The following SMURF2 variants were observed in gnomAD, a reference collection of about 807,000 sequenced individuals.
The protein encoded by SMURF2 is SMAD specific E3 ubiquitin protein ligase 2.
A neutral mutation model predicts 109.6 loss-of-function variants in SMURF2; 48 were observed. That is an observed-to-expected ratio of 0.44 (90% confidence interval 0.35 to 0.56). The LOEUF is 0.56. SMURF2 is among the 20% of genes least tolerant of loss of function. The pLI, the probability that SMURF2 is intolerant of heterozygous loss-of-function variation, is 0.01. For synonymous variants in SMURF2, 288 were observed against 317.1 expected (o/e 0.91, Z 0.97); for missense variants, 575 against 909.0 (o/e 0.63, Z 4.72).
At chr17:64,579,548 A>C (rs1969551458) in intron 8 of SMURF2, among the ~76,000 whole-genome samples, 1 of 152,202 alleles carries the variant, frequency 6.6e-6, no homozygotes, top group Non-Finnish European at 1.5e-5. Flanking sequence ...AATTCAAATC[A>C]CAGAAATATT....
chr17:64,653,097 A>G (rs1441437178), intron 1 of SMURF2, among the ~76,000 whole-genome samples: 1 of 151,648 alleles, frequency 6.6e-6, no homozygotes, highest in African/African-American at 2.4e-5. Context: ...TCTTTGGGAC[A>G]TCTTTTGGGG....
intron 1 of SMURF2, 44 bp downstream of exon 1, chr17:64,661,785 G>A: frequency 8.3e-7 from 1 of 1,205,546 alleles, no homozygotes; most frequent in Non-Finnish European, 1.0e-6. Flanking sequence ...CCGCCAGCTC[G>A]CCCACCCCGC....
At chr17:64,603,791 A>C (rs185800788) in intron 2 of SMURF2, among the ~76,000 whole-genome samples, 98 of 152,302 alleles carry the variant, frequency 6.4e-4, no homozygotes, top group African/African-American at 2.0e-3. Flanking sequence ...ATGAGTTAAA[A>C]AAACTTTTCT....
rs143064415 is a variant in SMURF2 at position 64,571,323 on chromosome 17, A to C, written c.1016+475T>G. ...CTACCTAAAAGCATAGTAGGTTTAA[A>C]ATACTCATATCAGAGTAAACCTTGT... is the stretch of plus-strand genomic sequence containing the variant. On this transcript the variant is annotated intron_variant, in intron 10 of 18. Coordinates refer to ENST00000262435, the MANE Select transcript of SMURF2 (RefSeq NM_022739.4). Among the ~76,000 whole-genome samples the C allele has an allele frequency of 3.1e-3, 466 of 152,300 alleles. 1 individual carries two copies. Among genetic ancestry groups the C allele is most frequent in the African/African-American group, 0.011 (447 of 41,560 alleles).
chr17:64,566,867 G>A (rs1254818599), intron 10 of SMURF2, among the ~76,000 whole-genome samples: 2 of 146,552 alleles, frequency 1.4e-5, no homozygotes, highest in Non-Finnish European at 3.0e-5. Context: ...ATCGTGCCCC[G>A]CTGACAGAGA....
intron 7 of SMURF2, 38 bp downstream of exon 7, chr17:64,583,423 C>T (rs782050165): frequency 6.5e-7 from 1 of 1,530,614 alleles, no homozygotes; most frequent in East Asian, 2.2e-5. Context: ...AGGAGGGTGG[C>T]TGGCATAGAT....
chr17:64,628,855 A>T (rs782146585), intron 1 of SMURF2, among the ~76,000 whole-genome samples: 1 of 152,050 alleles, frequency 6.6e-6, no homozygotes, highest in Non-Finnish European at 1.5e-5. Flanking sequence ...CTCACAATTG[A>T]TCATCACAGG....
intron 1 of SMURF2, among the ~76,000 whole-genome samples, chr17:64,622,253 G>C (rs912514518): frequency 6.6e-6 from 1 of 151,874 alleles, no homozygotes; most frequent in Non-Finnish European, 1.5e-5. Context: ...TACAAAGTTA[G>C]TACAGTGTTC....
chr17:64,593,632 T>C, intron 3 of SMURF2, 59 bp from the exon 4 acceptor site: 1 of 1,418,412 alleles, frequency 7.1e-7, no homozygotes, highest in Non-Finnish European at 9.3e-7. Context: ...GGCGTAAAAT[T>C]TTTCTTTTGT....
rs528700219 is a variant in SMURF2, at chr17:64,621,625, C to T, written c.53-14985G>A. Among the ~76,000 whole-genome samples, 11 of 150,668 alleles carry T rather than the reference C, an allele frequency of 7.3e-5. No homozygotes were observed. In the East Asian group the frequency reaches 1.6e-3, roughly 22 times the overall value. ...GCACGGTGGTTCATGCCTGTAATCC[C>T]AGCATTTTGGGAGGCCGAGGTGGGT... On this transcript the variant is annotated intron_variant, in intron 1 of 18. Coordinates refer to ENST00000262435, the MANE Select transcript of SMURF2 (RefSeq NM_022739.4).
intron 1 of SMURF2, among the ~76,000 whole-genome samples, chr17:64,642,018 G>C (rs1555692599): frequency 6.6e-6 from 1 of 152,162 alleles, no homozygotes; most frequent in East Asian, 1.9e-4. Context: ...TGTTGCACAG[G>C]CTGGTCTCAA....
At chr17:64,652,178 G>A (rs1342763065) in intron 1 of SMURF2, among the ~76,000 whole-genome samples, 41 of 152,196 alleles carry the variant, frequency 2.7e-4, no homozygotes, top group Middle Eastern at 3.4e-3. Flanking sequence ...AATTCTGAAA[G>A]GAAAACTACA....
chr17:64,580,218 G>A (rs1401180085), intron 8 of SMURF2, among the ~76,000 whole-genome samples: 1 of 152,122 alleles, frequency 6.6e-6, no homozygotes, highest in African/African-American at 2.4e-5. Context: ...ATTCTATTAG[G>A]AGAAGACTCA....
chr17:64,621,903 A>AAATAAAT (rs1555690664), intron 1 of SMURF2, among the ~76,000 whole-genome samples: 13 of 141,826 alleles, frequency 9.2e-5, no homozygotes, highest in East Asian at 5.9e-4. Context: ...ATAAATAAAT[A>AAATAAAT]AATAATAATA....
rs192245722 is a variant in SMURF2 at position 64,581,195 on chromosome 17, T to A, written c.570-204A>T. Among the ~76,000 whole-genome samples the A allele has an allele frequency of 9.5e-4, 145 of 152,340 alleles. No homozygotes were observed. The highest frequency in any genetic ancestry group is 9.4e-3 in the Admixed American group (143 of 15,294). ...CAAAGAAATGCAAATGATAAGCATG[T>A]CATCAACTATGTATTTAAATGACTT... On this transcript the variant is annotated intron_variant, in intron 7 of 18. Transcript: ENST00000262435. The surrounding 1 kb of genome is among the most constrained non-coding windows in gnomAD (Gnocchi z 4.3).
Position 64,661,871 on chromosome 17 carries a change from G to C in SMURF2, c.10C>G (p.Pro4Ala). The C allele has an allele frequency of 8.2e-7, 1 of 1,214,494 alleles. No homozygotes were observed. Among genetic ancestry groups the C allele is most frequent in the Non-Finnish European group, 1.0e-6 (1 of 977,156 alleles). The allele number at this position is 1,214,494 out of a possible 1,614,324, so 75.2% of individuals were successfully genotyped here. MSN[P>A]GGRRNGPVKL... ...ACGGGCCCGTTCCTCCGGCCTCCGG[G>C]GTTAGACATGTCCCCGGCGGCGGGG... Residue 4 changes from proline (P) to alanine (A), a missense_variant, in exon 1 of 19, where the codon CCC becomes GCC. Transcript: ENST00000262435.
chr17:64,558,156 T>C (rs1348377291), intron 12 of SMURF2, among the ~76,000 whole-genome samples: 2 of 152,140 alleles, frequency 1.3e-5, no homozygotes, highest in Non-Finnish European at 2.9e-5. Context: ...TCCCAGCACT[T>C]TGGGGGGCCA....
intron 15 of SMURF2, among the ~76,000 whole-genome samples, chr17:64,552,525 T>C (rs1969060022): frequency 6.6e-6 from 1 of 152,208 alleles, no homozygotes; most frequent in South Asian, 2.1e-4. Context: ...CAAAACTGTG[T>C]AACTGTAAAA....
chr17:64,556,054 A>G (rs1598269367), intron 13 of SMURF2, 56 bp from the exon 14 acceptor site: 1 of 1,304,442 alleles, frequency 7.7e-7, no homozygotes, highest in East Asian at 2.4e-5. Flanking sequence ...AAATTTTAAT[A>G]AAAATGAAAT....
Sources: gnomAD v4.1 joint callset for allele counts (sites outside exome capture counted in the v4.1 genomes callset) on GRCh38, gnomAD v4.1.1 for gene constraint, Gnocchi (gnomAD v3.1) non-coding constraint, MANE v1.5 for transcripts, NCBI Gene and HGNC (gene_info 2026-07-23, HGNC 2026-07-21) for gene names.